CDIN1: variants seen among roughly 807,000 people sequenced by gnomAD.
The protein encoded by CDIN1 is CDAN1-interacting nuclease 1.
In CDIN1, 33 loss-of-function variants were observed where a neutral mutation model predicts 45.3. That is an observed-to-expected ratio of 0.73 (90% CI 0.55 to 0.97). The LOEUF (loss-of-function observed/expected upper bound fraction) is 0.97, where lower values mean the gene tolerates loss of function less well. Among genes scored for constraint, CDIN1 ranks in the 50% least tolerant of loss-of-function variants. The probability of loss-of-function intolerance (pLI) is 0.00; values close to 1 mark genes in which losing one functional copy is unlikely to be tolerated. For missense variants in CDIN1, 303 were observed against 339.4 expected, an observed-to-expected ratio of 0.89 and a Z score of 0.84; for synonymous variants, 118 against 124.4, an observed-to-expected ratio of 0.95 and a Z score of 0.34.
chr15:36,701,352 G>T (rs886840899), intron 8 of CDIN1, among the ~76,000 whole-genome samples: 1 of 152,084 alleles, frequency 6.6e-6, no homozygotes, highest in Admixed American at 6.6e-5. Flanking sequence ...TACTGGTAGA[G>T]ACATGTTAAC....
At chr15:36,790,584 CCT>C (rs1272259761) in intron 10 of CDIN1, among the ~76,000 whole-genome samples, 1 of 152,138 alleles carries the variant, frequency 6.6e-6, no homozygotes, top group Non-Finnish European at 1.5e-5. Context: ...CCCTAAATTC[CCT>C]GACTTGATTA....
chr15:36,617,238 G>A (rs576574156), intron 1 of CDIN1: 13 of 889,224 alleles, frequency 1.5e-5, no homozygotes, highest in African/African-American at 3.3e-5. Context: ...CAGCCACATC[G>A]GGTGCTCATC....
At chr15:36,600,787 CA>C (rs2038059778) in intron 1 of CDIN1, among the ~76,000 whole-genome samples, 1 of 152,156 alleles carries the variant, frequency 6.6e-6, no homozygotes, top group South Asian at 2.1e-4. Flanking sequence ...GTATTGGAGG[CA>C]TGTTTTCCAT....
chr15:36,665,572 G>A (rs990369501), intron 5 of CDIN1, among the ~76,000 whole-genome samples: 1 of 152,200 alleles, frequency 6.6e-6, no homozygotes, highest in African/African-American at 2.4e-5. Flanking sequence ...AGAGGATGGT[G>A]AAAGAGTAGT....
chr15:36,676,936 A>C (rs1342796957), intron 5 of CDIN1, among the ~76,000 whole-genome samples: 2 of 152,150 alleles, frequency 1.3e-5, no homozygotes, highest in Non-Finnish European at 2.9e-5. Context: ...TAACAACAAC[A>C]ACAAAAATGT....
chr15:36,672,613 G>T (rs879890470), intron 5 of CDIN1, among the ~76,000 whole-genome samples: 2 of 151,766 alleles, frequency 1.3e-5, no homozygotes, highest in Non-Finnish European at 2.9e-5. Flanking sequence ...GATCGATTTG[G>T]TTGGGGTGGG....
chr15:36,628,759 T>C (rs1022765628), intron 1 of CDIN1, among the ~76,000 whole-genome samples: 1 of 152,168 alleles, frequency 6.6e-6, no homozygotes, highest in African/African-American at 2.4e-5. Context: ...TTAAAGATAT[T>C]AGGTCCTAAG....
At chr15:36,587,297 T>C (rs1161763210) in intron 1 of CDIN1, among the ~76,000 whole-genome samples, 1 of 152,226 alleles carries the variant, frequency 6.6e-6, no homozygotes, top group Non-Finnish European at 1.5e-5. Context: ...GTGCTTTAAA[T>C]TGCTGTTCCT....
chr15:36,730,823 A>T (rs1043692695), intron 10 of CDIN1, among the ~76,000 whole-genome samples: 1 of 152,138 alleles, frequency 6.6e-6, no homozygotes, highest in Non-Finnish European at 1.5e-5. Flanking sequence ...AAAAAAATAC[A>T]TGATTAACCC....
At chr15:36,634,733 A>G (rs1009243733) in intron 1 of CDIN1, among the ~76,000 whole-genome samples, 2 of 152,094 alleles carry the variant, frequency 1.3e-5, no homozygotes, top group East Asian at 3.9e-4. Context: ...GTGTGGTAGG[A>G]TACGTAATCT....
At chr15:36,617,812 C>T in intron 1 of CDIN1, 1 of 803,516 alleles carries the variant, frequency 1.2e-6, no homozygotes, top group Non-Finnish European at 2.2e-6. Context: ...ATATCACTTT[C>T]CAGTCAGACA....
intron 1 of CDIN1, among the ~76,000 whole-genome samples, chr15:36,599,012 T>C (rs1030972482): frequency 2.0e-5 from 3 of 152,212 alleles, no homozygotes; most frequent in African/African-American, 7.2e-5. Context: ...AGTGTTCTTT[T>C]ATGCATTCAG....
rs1287570798 is a variant in CDIN1, at chr15:36,700,192, CTTTT to C, written c.544+2803_544+2806del. Among the ~76,000 whole-genome samples, 11 of 152,200 alleles carry C rather than the reference CTTTT, an allele frequency of 7.2e-5. 1 individual carries two copies. In the South Asian group the frequency reaches 2.3e-3, roughly 32 times the overall value. On this transcript the variant is annotated intron_variant, in intron 8 of 10. Coordinates refer to ENST00000566621, the MANE Select transcript of CDIN1 (RefSeq NM_001321759.2). ...TTATTTATTCATTCTTTTCAATTAA[CTTTT>C]GTTGTGTTCTCTGCATGCCAGGAAC...
intron 5 of CDIN1, among the ~76,000 whole-genome samples, chr15:36,667,633 C>T (rs557814635): frequency 5.5e-4 from 84 of 152,210 alleles, no homozygotes; most frequent in African/African-American, 1.7e-3. Context: ...ACCAATATTA[C>T]GTCACAGTTT....
At chr15:36,797,191 A>G (rs2054828426) in intron 10 of CDIN1, among the ~76,000 whole-genome samples, 1 of 152,248 alleles carries the variant, frequency 6.6e-6, no homozygotes, top group Admixed American at 6.5e-5. Context: ...ATATACAAAT[A>G]CAGTTCACTT....
At chr15:36,766,430 G>T (rs1295258438) in intron 10 of CDIN1, among the ~76,000 whole-genome samples, 3 of 152,026 alleles carry the variant, frequency 2.0e-5, no homozygotes, top group African/African-American at 2.4e-5. Flanking sequence ...CCAGAAGCAG[G>T]ATTGCTGGAT....
In CDIN1 at chr15:36,808,179, GC is replaced by G; in HGVS notation, c.717-144del. The G allele has an allele frequency of 2.9e-6, 3 of 1,038,080 alleles. No homozygotes were observed. In the South Asian group the frequency reaches 4.8e-5, roughly 17 times the overall value. The allele number at this position is 1,038,080 out of a possible 1,614,324, so 64.3% of individuals were successfully genotyped here. On this transcript the variant is annotated intron_variant, in intron 10 of 10. Coordinates refer to ENST00000566621, the MANE Select transcript of CDIN1 (RefSeq NM_001321759.2). The stretch of plus-strand genomic sequence containing the variant: ...ATGTGAACTCTTTGGTATAAGTTTG[GC>G]TATTTTCAGTCACAATGGTAGCAAC...
intron 10 of CDIN1, among the ~76,000 whole-genome samples, chr15:36,788,106 A>ATATTTTTTT (rs1343541345): frequency 2.0e-5 from 1 of 50,552 alleles, no homozygotes; most frequent in African/African-American, 7.7e-5. Context: ...ATATATATAT[A>ATATTTTTTT]TTTTTTTTTT....
At chr15:36,765,057 CTTTCTTT>C (rs888255200) in intron 10 of CDIN1, among the ~76,000 whole-genome samples, 16 of 139,642 alleles carry the variant, frequency 1.1e-4, no homozygotes, top group African/African-American at 4.2e-4. Flanking sequence ...ATTTTTCTTT[CTTTCTTT>C]TTTTTTTTTT....
Sources: gnomAD v4.1 joint callset for allele counts (sites outside exome capture counted in the v4.1 genomes callset) on GRCh38, gnomAD v4.1.1 for gene constraint, MANE v1.5 for transcripts, NCBI Gene and HGNC (gene_info 2026-07-23, HGNC 2026-07-21) for gene names.